Variants in CYP3A7 observed in about 807,000 individuals in gnomAD.
CYP3A7 encodes the protein cytochrome P450 family 3 subfamily A member 7, also known as cytochrome P450 3A7.
In CYP3A7, 45 loss-of-function variants were observed where a neutral mutation model predicts 55.2. The observed-to-expected ratio is 0.82, with a 90% CI of 0.64 to 1.05. The LOEUF is 1.05. CYP3A7 is among the 50% of genes least tolerant of loss of function. The pLI is 0.00. For synonymous variants in CYP3A7, 180 were observed against 207.4 expected (o/e 0.87, Z 1.13); for missense variants, 548 against 605.3 (o/e 0.91, Z 0.99).
rs759152252 is a variant in CYP3A7, at chr7:99,705,484, G to T, written c.*16C>A. ...CACAGCTTTCTTAAAGAGCAAACCA[G>T]AAGTCCTTAGGGAAATCAGGCTCCA... is the stretch of plus-strand genomic sequence containing the variant. On this transcript the variant is annotated 3_prime_UTR_variant, in exon 13 of 13. Coordinates refer to ENST00000336374, the MANE Select transcript of CYP3A7 (RefSeq NM_000765.5). 1 of 1,612,790 alleles carries T rather than the reference G, an allele frequency of 6.2e-7. No individual in the cohort carries two copies. Among genetic ancestry groups the T allele is most frequent in the Non-Finnish European group, 8.5e-7 (1 of 1,179,098 alleles).
intron 5 of CYP3A7, 74 bp from the exon 6 acceptor site, chr7:99,717,339 G>T (rs1673548553): frequency 3.1e-6 from 5 of 1,609,570 alleles, no homozygotes; most frequent in Non-Finnish European, 4.3e-6. Context: ...ACTTTGCCTG[G>T]CATGGAACAA....
intron 12 of CYP3A7, among the ~76,000 whole-genome samples, chr7:99,706,667 G>T (rs1813533758): frequency 6.6e-6 from 1 of 151,888 alleles, no homozygotes; most frequent in South Asian, 2.1e-4. Flanking sequence ...TTTTCAAAAG[G>T]CATGAATATA....
intron 12 of CYP3A7, among the ~76,000 whole-genome samples, chr7:99,707,497 C>G (rs1232094066): frequency 6.6e-6 from 1 of 152,140 alleles, no homozygotes. Context: ...ATAAGTGCAC[C>G]TCATGATTGT....
At position 99,735,089 on chromosome 7, in the gene CYP3A7, T is replaced by G. The variant is rs569247020; in HGVS notation, c.5A>C (p.Asp2Ala). 5.0e-6 allele frequency: 8 copies of G among 1,614,036 alleles called. No homozygotes were observed. The highest frequency in any genetic ancestry group is 2.2e-5 in the East Asian group (1 of 44,850). Residue 2 changes from aspartate to alanine, a missense_variant, in exon 1 of 13, where the codon GAT (aspartate) becomes GCT (alanine). By Grantham distance (126) the Asp-to-Ala change is moderately radical (BLOSUM62 -2). Coordinates refer to ENST00000336374, the MANE Select transcript of CYP3A7 (RefSeq NM_000765.5). M[D>A]LIPNLAVETW... ...TTCCACGGCCAAGTTTGGGATGAGATCCATCACTACTTTCCTTCCTTATCT... is the reference window on the plus strand; with the variant it reads ...TTCCACGGCCAAGTTTGGGATGAGAGCCATCACTACTTTCCTTCCTTATCT...
chr7:99,717,487 T>G, intron 5 of CYP3A7, 39 bp downstream of exon 5: 2 of 1,611,090 alleles, frequency 1.2e-6, no homozygotes, highest in Non-Finnish European at 1.7e-6. Context: ...CCTGATTCAT[T>G]CTTTAAGTTT....
intron 4 of CYP3A7, among the ~76,000 whole-genome samples, chr7:99,718,317 A>C (rs1814052841): frequency 6.6e-6 from 1 of 152,250 alleles, no homozygotes; most frequent in African/African-American, 2.4e-5. Flanking sequence ...TTTTGAAGAA[A>C]TAATGCGATT....
intron 9 of CYP3A7, 103 bp downstream of exon 9, chr7:99,713,366 G>T: frequency 6.5e-7 from 1 of 1,534,906 alleles, no homozygotes; most frequent in South Asian, 1.1e-5. Flanking sequence ...TCTGCTATGT[G>T]GCAGAAATTC....
chr7:99,706,277 T>C (rs1315980772), intron 12 of CYP3A7, among the ~76,000 whole-genome samples: 2 of 152,182 alleles, frequency 1.3e-5, no homozygotes, highest in African/African-American at 4.8e-5. Context: ...CATGGAGTGA[T>C]GGGCAAGAAA....
At chr7:99,729,029 G>A (rs1197440782) in intron 2 of CYP3A7, among the ~76,000 whole-genome samples, 5 of 152,004 alleles carry the variant, frequency 3.3e-5, no homozygotes, top group African/African-American at 1.2e-4. Context: ...AATCTGGCCT[G>A]GTATATGACA....
At chr7:99,711,802 A>C (rs148374180) in intron 9 of CYP3A7, among the ~76,000 whole-genome samples, 6 of 128,200 alleles carry the variant, frequency 4.7e-5, no homozygotes, top group Admixed American at 3.1e-4. Flanking sequence ...ACAACAACAA[A>C]AACAGAAATG....
intron 3 of CYP3A7, chr7:99,720,775 C>T (rs1482653866): frequency 9.0e-6 from 2 of 223,118 alleles, no homozygotes; most frequent in Non-Finnish European, 1.8e-5. Context: ...AAAATATTTC[C>T]CTTTATAAAG....
chr7:99,723,603 G>A (rs1475392519), intron 2 of CYP3A7, among the ~76,000 whole-genome samples: 1 of 152,094 alleles, frequency 6.6e-6, no homozygotes, highest in Non-Finnish European at 1.5e-5. Flanking sequence ...GGGACAGGGG[G>A]ACTCCTTCGG....
intron 2 of CYP3A7, among the ~76,000 whole-genome samples, chr7:99,729,713 TC>T (rs976475301): frequency 6.2e-4 from 94 of 152,276 alleles, no homozygotes; most frequent in African/African-American, 2.1e-3. Flanking sequence ...TCTTATGATC[TC>T]CCCACCATGC....
At chr7:99,734,933 T>C in intron 1 of CYP3A7, 90 bp downstream of exon 1, 1 of 1,592,266 alleles carries the variant, frequency 6.3e-7, no homozygotes, top group South Asian at 1.1e-5. Flanking sequence ...AACATCCTTT[T>C]TGCTATTCAA....
chr7:99,722,739 G>A (rs546167946), intron 2 of CYP3A7, among the ~76,000 whole-genome samples: 2 of 152,290 alleles, frequency 1.3e-5, no homozygotes, highest in African/African-American at 2.4e-5. Context: ...AGAAGGGAAC[G>A]TGCAGTCTTT....
chr7:99,721,283 A>G (rs1814190140), intron 3 of CYP3A7, among the ~76,000 whole-genome samples: 1 of 152,216 alleles, frequency 6.6e-6, no homozygotes, highest in Non-Finnish European at 1.5e-5. Flanking sequence ...AGAATGAAAA[A>G]TTCCACACTT....
In CYP3A7 at chr7:99,705,048, A is replaced by G. The variant is rs1584501957; in HGVS notation, c.*452T>C. 6.2e-6 allele frequency: 1 copy of G among 161,722 alleles called. No homozygotes were observed. Among genetic ancestry groups the G allele is most frequent in the East Asian group, 1.7e-4 (1 of 5,724 alleles). The allele number at this position is 161,722 out of a possible 1,614,324, so 10.0% of individuals were successfully genotyped here. On this transcript the variant is annotated 3_prime_UTR_variant, in exon 13 of 13. Transcript: ENST00000336374. ...GAAACATCCAATAATACTTTTGTAAAGAGGTTTTTATTGATTTGCTTAATA... is the reference window on the plus strand; with the variant it reads ...GAAACATCCAATAATACTTTTGTAAGGAGGTTTTTATTGATTTGCTTAATA...
intron 2 of CYP3A7, among the ~76,000 whole-genome samples, chr7:99,726,202 A>T (rs1814405495): frequency 1.3e-5 from 2 of 152,010 alleles, no homozygotes; most frequent in African/African-American, 4.8e-5. Context: ...AACTGATCAC[A>T]TGCCCATTAC....
intron 1 of CYP3A7, among the ~76,000 whole-genome samples, chr7:99,733,276 T>C (rs755630629): frequency 1.3e-4 from 20 of 152,200 alleles, no homozygotes; most frequent in Non-Finnish European, 2.5e-4. Flanking sequence ...ATTGAGTTAA[T>C]GTGTGAGCAG....
Sources: gnomAD v4.1 joint callset for allele counts (sites outside exome capture counted in the v4.1 genomes callset) on GRCh38, gnomAD v4.1.1 for gene constraint, MANE v1.5 for transcripts, NCBI Gene and HGNC (gene_info 2026-07-23, HGNC 2026-07-21) for gene names.